The following CYP26B1 variants were observed in gnomAD, a reference collection of about 807,000 sequenced individuals.
CYP26B1 encodes cytochrome P450 26B1.
In CYP26B1, 8 loss-of-function variants were observed where a neutral mutation model predicts 39.1. That is an observed-to-expected ratio of 0.20 (90% confidence interval 0.12 to 0.37). The LOEUF (loss-of-function observed/expected upper bound fraction) is 0.37, where lower values mean the gene tolerates loss of function less well. Ranked by LOEUF, CYP26B1 falls within the 10% of genes least tolerant of loss-of-function variation. The pLI, the probability that CYP26B1 is intolerant of heterozygous loss-of-function variation, is 1.00. For missense variants in CYP26B1, 615 were observed against 707.0 expected, an observed-to-expected ratio of 0.87 and a Z score of 1.48; for synonymous variants, 321 against 314.3, an observed-to-expected ratio of 1.02 and a Z score of -0.23.
At chr2:72,141,981 G>T (rs892648911) in intron 2 of CYP26B1, among the ~76,000 whole-genome samples, 1 of 152,132 alleles carries the variant, frequency 6.6e-6, no homozygotes, top group African/African-American at 2.4e-5. Flanking sequence ...AGCTTCTGGT[G>T]ACTCCCCACC....
chr2:72,132,527 G>T lies in CYP26B1; in HGVS notation c.1239C>A (p.Asp413Glu). Residue 413 changes from aspartate (D) to glutamate (E), a missense_variant, in exon 6 of 6, where the codon GAC becomes GAA. By Grantham distance (45) the Asp-to-Glu change is conservative. Transcript: ENST00000001146. Reference protein sequence around the residue: ...APVFKDVNVFDPDRFSQARSE... With the variant: ...APVFKDVNVFEPDRFSQARSE... ...TCCGCGCCTGGCTGAAGCGATCGGG[G>T]TCGAACACGTTCACGTCTTTGAACA... The T allele has an allele frequency of 6.2e-7, 1 of 1,610,404 alleles. No homozygotes were observed. Among genetic ancestry groups the T allele is most frequent in the South Asian group, 1.1e-5 (1 of 90,852 alleles).
At position 72,134,987 on chromosome 2, in the gene CYP26B1, G is replaced by A. The variant is rs540227284; in HGVS notation, c.706-71C>T. ...TCTGAGCCTCGGGACCACCAGGGAC[G>A]ACTCCAGCCTCCTCCTACCCCACGC... On this transcript the variant is annotated intron_variant, in intron 3 of 5. Transcript: ENST00000001146. 23 of 1,604,682 alleles carry A rather than the reference G, an allele frequency of 1.4e-5. No homozygotes were observed. The East Asian group carries it at 3.1e-4, about 22-fold the overall frequency.
chr2:72,147,570 C>G lies in CYP26B1; in HGVS notation c.204+61G>C, dbSNP rs540604257. ...GCGCCCCCTGGCCGGCCCGCCGCTC[C>G]GTCTGCCCCGCGCTCGCAGCTAGCG... On this transcript the variant is annotated intron_variant, in intron 1 of 5. Transcript: ENST00000001146. This position sits in a 1 kb window ranked among gnomAD's most constrained non-coding sequence, Gnocchi z 6.1. 6.6e-7 allele frequency: 1 copy of G among 1,512,946 alleles called. No homozygotes were observed. Among genetic ancestry groups the G allele is most frequent in the Non-Finnish European group, 8.9e-7 (1 of 1,128,860 alleles). 93.7% of individuals were successfully genotyped at this position (1,512,946 alleles called of 1,614,324 possible).
In CYP26B1 at chr2:72,144,124, G is replaced by T. The variant is rs768569994; in HGVS notation, c.294C>A (p.Gly98=). The T allele has an allele frequency of 1.9e-6, 3 of 1,611,692 alleles. No homozygotes were observed. Among genetic ancestry groups the T allele is most frequent in the South Asian group, 2.2e-5 (2 of 91,050 alleles). ...LLGRPLIRVT[G]AENVRKILMG... is the part of the protein sequence containing the mutation. Reference sequence around the variant, plus strand: ...TGAGGATCTTGCGCACGTTCTCCGCGCCGGTCACGCGTATCAGCGGCCGCC... The same window carrying T: ...TGAGGATCTTGCGCACGTTCTCCGCTCCGGTCACGCGTATCAGCGGCCGCC... Residue 98 remains glycine (G), a synonymous_variant, in exon 2 of 6, where the codon GGC becomes GGA. Coordinates refer to ENST00000001146, the MANE Select transcript of CYP26B1 (RefSeq NM_019885.4).
At chr2:72,138,904 C>T (rs1225923886) in intron 2 of CYP26B1, among the ~76,000 whole-genome samples, 1 of 152,162 alleles carries the variant, frequency 6.6e-6, no homozygotes, top group Non-Finnish European at 1.5e-5. Flanking sequence ...GCCAGGGGCT[C>T]GTGAAGGCTC....
intron 2 of CYP26B1, 27 bp from the exon 3 acceptor site, chr2:72,135,446 A>G (rs1572924394): frequency 6.2e-7 from 1 of 1,603,658 alleles, no homozygotes; most frequent in Admixed American, 1.7e-5. Context: ...CAAGTGGGTG[A>G]GCCGATTGGC....
In CYP26B1 at chr2:72,147,649, G is replaced by T. The variant is rs150322824; in HGVS notation, c.186C>A (p.Thr62=). The change falls in exon 1 of 6, where the codon ACC becomes ACA. Residue 62 remains threonine (T), a synonymous_variant. Coordinates refer to ENST00000001146, the MANE Select transcript of CYP26B1 (RefSeq NM_019885.4). This position sits in a 1 kb window ranked among gnomAD's most constrained non-coding sequence, Gnocchi z 6.1. ...CCCTTACCTGCAGCAGCCAGTGGCC[G>T]GTCTCTCCGATGAGCGGGAAGCCCA... ...GSMGFPLIGE[T]GHWLLQGSGF... 5,030 of 1,609,406 alleles carry T rather than the reference G, an allele frequency of 3.1e-3. 190 individuals are homozygous for T. The Admixed American group carries it at 0.071, about 23-fold the overall frequency.
intron 2 of CYP26B1, among the ~76,000 whole-genome samples, chr2:72,142,241 G>C (rs935643050): frequency 6.6e-6 from 1 of 152,172 alleles, no homozygotes; most frequent in Non-Finnish European, 1.5e-5. Flanking sequence ...GCCAAGTCAG[G>C]CCCAGGGTGG....
chr2:72,141,763 T>C (rs1024355471), intron 2 of CYP26B1, among the ~76,000 whole-genome samples: 72 of 152,362 alleles, frequency 4.7e-4, no homozygotes, highest in African/African-American at 1.6e-3. Flanking sequence ...AGCTAGATTC[T>C]ACCTACCTAG....
intron 1 of CYP26B1, among the ~76,000 whole-genome samples, chr2:72,145,898 G>A (rs1437567749): frequency 6.6e-6 from 1 of 152,176 alleles, no homozygotes; most frequent in Non-Finnish European, 1.5e-5. Flanking sequence ...ATGGCGCTCG[G>A]TGGAAACGGA....
intron 1 of CYP26B1, among the ~76,000 whole-genome samples, chr2:72,146,364 T>TGGGGGGGGGGG (rs944122793): frequency 2.9e-5 from 1 of 34,848 alleles, no homozygotes; most frequent in Non-Finnish European, 5.9e-5. Flanking sequence ...TTGCGGGGGG[T>TGGGGGGGGGGG]GGGGGGGTGA....
chr2:72,142,163 C>T (rs1211036431), intron 2 of CYP26B1, among the ~76,000 whole-genome samples: 1 of 149,688 alleles, frequency 6.7e-6, no homozygotes, highest in Non-Finnish European at 1.5e-5. Flanking sequence ...TCTAAATGGA[C>T]AATGTAGGCC....
In CYP26B1 at chr2:72,130,597, A is replaced by G. The variant is rs1354116914; in HGVS notation, c.*1630T>C. On this transcript the variant is annotated 3_prime_UTR_variant, in exon 6 of 6. Coordinates refer to ENST00000001146, the MANE Select transcript of CYP26B1 (RefSeq NM_019885.4). Reference sequence around the variant, plus strand: ...TTCTGTGTTTTCGATTTTCTTGTAAAGGGGATTCATTGCTTTTACAACATC... The same window carrying G: ...TTCTGTGTTTTCGATTTTCTTGTAAGGGGGATTCATTGCTTTTACAACATC... 2.6e-5 allele frequency: 4 copies of G among 152,114 alleles called. No homozygotes were observed. Among genetic ancestry groups the G allele is most frequent in the African/African-American group, 9.7e-5 (4 of 41,428 alleles). The allele number at this position is 152,114 out of a possible 1,614,324, so 9.4% of individuals were successfully genotyped here. A position where few individuals can be genotyped will look rare whatever the true frequency, so the allele number is the denominator to read the frequency against.
At chr2:72,143,850 G>T in intron 2 of CYP26B1, 139 bp downstream of exon 2, 1 of 1,068,742 alleles carries the variant, frequency 9.4e-7, no homozygotes, top group Non-Finnish European at 1.4e-6. Context: ...AGGCCTTGTC[G>T]GCGGGGAACT....
At chr2:72,146,045 G>C (rs1572932100) in intron 1 of CYP26B1, among the ~76,000 whole-genome samples, 1 of 152,104 alleles carries the variant, frequency 6.6e-6, no homozygotes, top group South Asian at 2.1e-4. Context: ...CCAGATCTAG[G>C]GCCCCGGGTT....
chr2:72,144,944 G>A lies in CYP26B1; in HGVS notation c.205-731C>T, dbSNP rs565695465. ...GCGCAAGCCGAGGATGGCGGGGCCG[G>A]GGCCGGCCGGACTCTCGAAACGGCT... On this transcript the variant is annotated intron_variant, in intron 1 of 5. Coordinates refer to ENST00000001146, the MANE Select transcript of CYP26B1 (RefSeq NM_019885.4). 7.0e-3 allele frequency among the ~76,000 whole-genome samples: 1,061 copies of A among 152,308 alleles called. 7 individuals are homozygous for A. The highest frequency in any genetic ancestry group is 0.02 in the Middle Eastern group (6 of 294).
rs146011965 is a variant in CYP26B1 at position 72,132,352 on chromosome 2, G to A, written c.1414C>T (p.Pro472Ser). The change falls in exon 6 of 6, where the codon CCC becomes TCC. Residue 472 changes from proline (P) to serine (S), a missense_variant. By Grantham distance (74) the Pro-to-Ser change is moderately conservative. Coordinates refer to ENST00000001146, the MANE Select transcript of CYP26B1 (RefSeq NM_019885.4). ...SRFELATRTF[P>S]RITLVPVLHP... ...AGGACGGGGACCAAGGTGATGCGGGGGAAGGTCCGTGTGGCCAGCTCAAAG... is the reference window on the plus strand; with the variant it reads ...AGGACGGGGACCAAGGTGATGCGGGAGAAGGTCCGTGTGGCCAGCTCAAAG... 962 of 1,611,066 alleles carry A rather than the reference G, an allele frequency of 6.0e-4. 2 individuals are homozygous for A. The highest frequency in any genetic ancestry group is 3.3e-4 in the Middle Eastern group (2 of 6,060).
At chr2:72,143,758 C>T (rs1461015515) in intron 2 of CYP26B1, among the ~76,000 whole-genome samples, 1 of 152,250 alleles carries the variant, frequency 6.6e-6, no homozygotes, top group Non-Finnish European at 1.5e-5. Context: ...TTCCAAGCCA[C>T]CGTTGGGGGT....
chr2:72,133,689 G>A (rs1676668724), intron 4 of CYP26B1, among the ~76,000 whole-genome samples: 1 of 152,236 alleles, frequency 6.6e-6, no homozygotes, highest in Non-Finnish European at 1.5e-5. Flanking sequence ...CAGCAGGTGT[G>A]CGTGTGTATG....
Sources: allele counts gnomAD v4.1 joint callset (sites outside exome capture counted in the v4.1 genomes callset), GRCh38; gene constraint gnomAD v4.1.1; non-coding constraint Gnocchi (gnomAD v3.1); transcripts MANE v1.5; gene names NCBI Gene and HGNC (gene_info 2026-07-23, HGNC 2026-07-21).